Variants in CDC14B observed in about 807,000 individuals in gnomAD.
CDC14B encodes the protein dual specificity protein phosphatase CDC14B.
A neutral mutation model predicts 64.2 loss-of-function variants in CDC14B; 22 were observed. The observed-to-expected ratio is 0.34, with a 90% CI of 0.24 to 0.49. CDC14B has a LOEUF of 0.49. Ranked by LOEUF, CDC14B falls within the 20% of genes least tolerant of loss-of-function variation. The pLI is 0.99. For synonymous variants in CDC14B, 191 were observed against 215.8 expected (o/e 0.89, Z 1.01); for missense variants, 498 against 629.9 (o/e 0.79, Z 2.24).
intron 1 of CDC14B, among the ~76,000 whole-genome samples, chr9:96,578,519 C>T (rs762848502): frequency 3.3e-5 from 5 of 152,200 alleles, no homozygotes; most frequent in Non-Finnish European, 1.5e-5. Flanking sequence ...GATAGAAGGG[C>T]ACTTCACCTT....
chr9:96,566,701 C>T, intron 1 of CDC14B: 1 of 1,491,016 alleles, frequency 6.7e-7, no homozygotes, highest in South Asian at 1.2e-5. Context: ...TCCAAGCCAG[C>T]ACTGCCCGCC....
chr9:96,562,667 A>C, intron 4 of CDC14B, 26 bp downstream of exon 4: 2 of 1,455,826 alleles, frequency 1.4e-6, no homozygotes, highest in East Asian at 4.5e-5. Flanking sequence ...CATTTTTATG[A>C]ATACATTAGG....
At chr9:96,499,939 C>T (rs938971977), downstream of CDC14B, among the ~76,000 whole-genome samples, 2 of 152,200 alleles carry the variant, frequency 1.3e-5, no homozygotes, top group Admixed American at 6.5e-5. Context: ...GGACTTGCAG[C>T]CTCCAGAACT....
intron 9 of CDC14B, among the ~76,000 whole-genome samples, chr9:96,532,796 T>G (rs1838691917): frequency 6.6e-6 from 1 of 152,230 alleles, no homozygotes; most frequent in African/African-American, 2.4e-5. Context: ...CAGAATTTCC[T>G]TTTGGTTCCC....
intron 5 of CDC14B, among the ~76,000 whole-genome samples, chr9:96,546,142 C>T (rs919377850): frequency 2.6e-5 from 4 of 152,132 alleles, no homozygotes; most frequent in African/African-American, 7.2e-5. Context: ...CCAAAAACTA[C>T]GAATGACCCA....
At chr9:96,586,757 T>C (rs1173593813) in intron 1 of CDC14B, among the ~76,000 whole-genome samples, 1 of 151,982 alleles carries the variant, frequency 6.6e-6, no homozygotes, top group Non-Finnish European at 1.5e-5. Flanking sequence ...GCTCTTCAAG[T>C]CCTAAAATTG....
At chr9:96,541,389 C>T (rs1840043269) in intron 6 of CDC14B, among the ~76,000 whole-genome samples, 1 of 152,180 alleles carries the variant, frequency 6.6e-6, no homozygotes, top group African/African-American at 2.4e-5. Flanking sequence ...AAATTGAACG[C>T]CTGACAAAAC....
intron 1 of CDC14B, among the ~76,000 whole-genome samples, chr9:96,607,219 G>A (rs1847009846): frequency 6.6e-6 from 1 of 151,832 alleles, no homozygotes; most frequent in East Asian, 1.9e-4. Context: ...GGCAGGAAAT[G>A]GTTGTCTTCT....
Position 96,580,309 on chromosome 9 carries a change from G to A in CDC14B, c.161-14826C>T, listed in dbSNP as rs147492714. ...TGCAATGGCCCAATCTCAGCTCACC[G>A]CAACCTCCGCCTCCCAGGTTCAAGC... On this transcript the variant is annotated intron_variant, in intron 1 of 13. Transcript: ENST00000375241. 4.0e-3 allele frequency among the ~76,000 whole-genome samples: 603 copies of A among 150,476 alleles called. 5 individuals carry two copies. The highest frequency in any genetic ancestry group is 0.014 in the African/African-American group (585 of 40,918).
intron 5 of CDC14B, among the ~76,000 whole-genome samples, chr9:96,547,123 A>G (rs553298745): frequency 3.9e-5 from 6 of 152,084 alleles, no homozygotes; most frequent in African/African-American, 1.2e-4. Flanking sequence ...TTTAACAAAT[A>G]TTAGTTAAAG....
intron 9 of CDC14B, among the ~76,000 whole-genome samples, chr9:96,523,968 C>T (rs1422738452): frequency 6.6e-6 from 1 of 152,232 alleles, no homozygotes; most frequent in Non-Finnish European, 1.5e-5. Flanking sequence ...GAGTCTCACT[C>T]TGTTGCCCAG....
rs1833622533 is a variant in CDC14B at position 96,502,289 on chromosome 9, G to A, written c.*1464C>T. ...CGGTCAATTTTATACTTTCTTCCAA[G>A]AAAGTACACCAAAATGGAGGCACTG... On this transcript the variant is annotated 3_prime_UTR_variant, in exon 14 of 14. Coordinates refer to ENST00000375241, the MANE Select transcript of CDC14B (RefSeq NM_033331.4). 1 of 152,214 alleles carries A rather than the reference G, an allele frequency of 6.6e-6. No homozygotes were observed. The allele number at this position is 152,214 out of a possible 1,614,324, so 9.4% of individuals were successfully genotyped here.
chr9:96,599,603 A>C (rs1846301176), intron 1 of CDC14B, among the ~76,000 whole-genome samples: 1 of 152,206 alleles, frequency 6.6e-6, no homozygotes, highest in South Asian at 2.1e-4. Context: ...GGGAAATCCA[A>C]ATAAAATCTG....
At chr9:96,571,164 T>C (rs962646586) in intron 1 of CDC14B, among the ~76,000 whole-genome samples, 1 of 151,564 alleles carries the variant, frequency 6.6e-6, no homozygotes, top group Admixed American at 6.6e-5. Flanking sequence ...ACTATAAAAT[T>C]ATAACGAAAA....
downstream of CDC14B, chr9:96,496,170 T>C: frequency 7.4e-6 from 3 of 408,046 alleles, no homozygotes; most frequent in Non-Finnish European, 1.5e-5. Flanking sequence ...CCTGGGCTGA[T>C]GGCTCAATAC....
chr9:96,512,600 T>A (rs893105801), intron 12 of CDC14B, among the ~76,000 whole-genome samples: 18 of 152,372 alleles, frequency 1.2e-4, no homozygotes, highest in African/African-American at 4.3e-4. Context: ...TTGGGATTTA[T>A]AGGCATGAGC....
intron 12 of CDC14B, among the ~76,000 whole-genome samples, chr9:96,516,589 C>T (rs2131411644): frequency 6.6e-6 from 1 of 151,732 alleles, no homozygotes; most frequent in South Asian, 2.1e-4. Context: ...AAACAATTCT[C>T]CCACTGCAGC....
intron 1 of CDC14B, among the ~76,000 whole-genome samples, chr9:96,600,117 G>A (rs1846336078): frequency 6.6e-6 from 1 of 152,018 alleles, no homozygotes; most frequent in East Asian, 1.9e-4. Context: ...AATCTTGGCT[G>A]AGCATGATGG....
intron 1 of CDC14B, chr9:96,567,019 C>G: frequency 7.3e-7 from 1 of 1,372,042 alleles, no homozygotes; most frequent in Admixed American, 3.0e-5. Flanking sequence ...GAAAAAGCCC[C>G]GCGCGCGACG....
Sources: gnomAD v4.1 joint callset for allele counts (sites outside exome capture counted in the v4.1 genomes callset) on GRCh38, gnomAD v4.1.1 for gene constraint, MANE v1.5 for transcripts, NCBI Gene and HGNC (gene_info 2026-07-23, HGNC 2026-07-21) for gene names.